KCNMA1: variants seen among roughly 807,000 people sequenced by gnomAD.
KCNMA1 encodes the protein potassium calcium-activated channel subfamily M alpha 1.
Under a neutral mutation model 140.0 loss-of-function variants are expected in KCNMA1, and 29 were observed. That is an observed-to-expected ratio of 0.21 (90% CI 0.15 to 0.28). The LOEUF (loss-of-function observed/expected upper bound fraction) is 0.28, where lower values mean the gene tolerates loss of function less well. Ranked by LOEUF, KCNMA1 falls within the 10% of genes least tolerant of loss-of-function variation. KCNMA1 has a pLI of 1.00. For synonymous variants in KCNMA1, 612 were observed against 611.9 expected (o/e 1.00, Z 0.00); for missense variants, 880 against 1,602.2 (o/e 0.55, Z 7.70).
chr10:77,351,622 CA>C (rs2092899367), intron 2 of KCNMA1, among the ~76,000 whole-genome samples: 2 of 152,152 alleles, frequency 1.3e-5, no homozygotes, highest in Non-Finnish European at 2.9e-5. Flanking sequence ...TCCTTCCTCC[CA>C]GGGGGAAAAG....
intron 1 of KCNMA1, among the ~76,000 whole-genome samples, chr10:77,560,100 T>C (rs924898933): frequency 1.3e-5 from 2 of 151,950 alleles, no homozygotes; most frequent in African/African-American, 4.8e-5. Context: ...GGAGAATTAC[T>C]TGAACCCTGG....
intron 5 of KCNMA1, among the ~76,000 whole-genome samples, chr10:77,148,874 A>G (rs1472059708): frequency 1.3e-5 from 2 of 152,214 alleles, no homozygotes; most frequent in Admixed American, 1.3e-4. Context: ...TGAAATGAGG[A>G]AGGAATGTTT....
intron 2 of KCNMA1, among the ~76,000 whole-genome samples, chr10:77,399,137 C>T (rs970393984): frequency 1.3e-5 from 2 of 152,166 alleles, no homozygotes; most frequent in Non-Finnish European, 2.9e-5. Context: ...ATCCCTTTCT[C>T]GATTTAGCAT....
chr10:77,595,459 G>A (rs1464040668), intron 1 of KCNMA1, among the ~76,000 whole-genome samples: 1 of 151,488 alleles, frequency 6.6e-6, no homozygotes, highest in South Asian at 2.1e-4. Flanking sequence ...ATGTACCCCG[G>A]CACATGGACT....
intron 14 of KCNMA1, among the ~76,000 whole-genome samples, chr10:77,060,570 T>A (rs1190890586): frequency 6.6e-6 from 1 of 152,182 alleles, no homozygotes; most frequent in Non-Finnish European, 1.5e-5. Context: ...CATAACTGAT[T>A]AGATGATGAC....
At chr10:77,616,802 T>C (rs115709850) in intron 1 of KCNMA1, among the ~76,000 whole-genome samples, 2,021 of 149,462 alleles carry the variant, frequency 0.014, 39 homozygotes, top group African/African-American at 0.047. Flanking sequence ...TGAAGCTCCA[T>C]CTCAAAAAAA....
chr10:77,279,455 A>G (rs372341945), intron 2 of KCNMA1, among the ~76,000 whole-genome samples: 5 of 152,290 alleles, frequency 3.3e-5, no homozygotes, highest in South Asian at 2.1e-4. Context: ...GATTCATAAC[A>G]CTACTTTGTG....
rs3781161 is a variant in KCNMA1, at chr10:77,003,000, C to T, written c.2093-1420G>A. Among the ~76,000 whole-genome samples the T allele has an allele frequency of 2.0e-3, 312 of 152,284 alleles. 8 individuals are homozygous for T. The East Asian group carries it at 0.051, about 25-fold the overall frequency. On this transcript the variant is annotated intron_variant, in intron 18 of 27. Coordinates refer to ENST00000286628, the MANE Select transcript of KCNMA1 (RefSeq NM_001161352.2). ...AAAATATGGCTTGTGGTTTTGCCCT[C>T]TTTGAATGTTACAGTCACCAGGAAG...
intron 14 of KCNMA1, among the ~76,000 whole-genome samples, chr10:77,068,852 A>AACACAC (rs147592319): frequency 8.2e-5 from 11 of 133,744 alleles, no homozygotes; most frequent in Non-Finnish European, 1.4e-4. Flanking sequence ...TCACCCTCTA[A>AACACAC]ACACACACAC....
rs116842708 is a variant in KCNMA1, at chr10:77,355,736, T to C, written c.540+48126A>G. ...TGTGCTTTTCAATTAGATAAGACAA[T>C]ACATGCCCTTTATTATTTAAGCCTA... On this transcript the variant is annotated intron_variant, in intron 2 of 27. Coordinates refer to ENST00000286628, the MANE Select transcript of KCNMA1 (RefSeq NM_001161352.2). Among the ~76,000 whole-genome samples the C allele has an allele frequency of 2.8e-3, 431 of 152,342 alleles. 4 individuals are homozygous for C. The highest frequency in any genetic ancestry group is 5.3e-3 in the Non-Finnish European group (363 of 68,024).
At chr10:77,103,532 A>T (rs1015301266) in intron 9 of KCNMA1, among the ~76,000 whole-genome samples, 3 of 152,328 alleles carry the variant, frequency 2.0e-5, no homozygotes, top group Admixed American at 2.0e-4. Context: ...TGCAGGTGAG[A>T]TCTGCCCAGC....
intron 20 of KCNMA1, among the ~76,000 whole-genome samples, chr10:76,959,863 C>T (rs1454496575): frequency 6.6e-6 from 1 of 152,210 alleles, no homozygotes; most frequent in East Asian, 1.9e-4. Context: ...CACAAGAACA[C>T]CTGTAGGTAA....
intron 18 of KCNMA1, among the ~76,000 whole-genome samples, chr10:77,005,839 A>C (rs2088348662): frequency 6.6e-6 from 1 of 152,232 alleles, no homozygotes; most frequent in Admixed American, 6.5e-5. Flanking sequence ...GACATCATCA[A>C]AACTATTTGT....
chr10:76,954,160 C>T (rs1370888352), intron 20 of KCNMA1, among the ~76,000 whole-genome samples: 1 of 152,112 alleles, frequency 6.6e-6, no homozygotes. Flanking sequence ...TTCCCCCGCT[C>T]CTCTTTTCCT....
chr10:77,311,383 C>G (rs1200585512), intron 2 of KCNMA1, among the ~76,000 whole-genome samples: 1 of 152,074 alleles, frequency 6.6e-6, no homozygotes, highest in African/African-American at 2.4e-5. Context: ...TCCATGGCAA[C>G]AGATGCTCCC....
At chr10:77,373,862 G>T (rs2094907836) in intron 2 of KCNMA1, 1 of 152,190 alleles carries the variant, frequency 6.6e-6, no homozygotes, top group Non-Finnish European at 1.5e-5. Flanking sequence ...GACCCTGAAG[G>T]TTCAAGCAGA....
intron 3 of KCNMA1, among the ~76,000 whole-genome samples, chr10:77,213,158 G>T (rs377717213): frequency 6.6e-6 from 1 of 151,922 alleles, no homozygotes; most frequent in African/African-American, 2.4e-5. Flanking sequence ...TTGTTATGAC[G>T]TGTAATGATA....
At chr10:77,465,256 G>A (rs1389815207) in intron 1 of KCNMA1, among the ~76,000 whole-genome samples, 1 of 152,202 alleles carries the variant, frequency 6.6e-6, no homozygotes, top group Non-Finnish European at 1.5e-5. Context: ...GACACTTAAG[G>A]CTGGAGATTC....
intron 14 of KCNMA1, among the ~76,000 whole-genome samples, chr10:77,042,764 C>T (rs1201531918): frequency 1.3e-5 from 2 of 152,106 alleles, no homozygotes; most frequent in African/African-American, 4.8e-5. Context: ...AATCACTAAA[C>T]TTTTTAAATA....
Sources: gnomAD v4.1 joint callset for allele counts (sites outside exome capture counted in the v4.1 genomes callset) on GRCh38, gnomAD v4.1.1 for gene constraint, MANE v1.5 for transcripts, NCBI Gene and HGNC (gene_info 2026-07-23, HGNC 2026-07-21) for gene names.